The following GLRB variants were observed in gnomAD, a reference collection of about 807,000 sequenced individuals.
The protein encoded by GLRB is glycine receptor beta.
A neutral mutation model predicts 54.2 loss-of-function variants in GLRB; 33 were observed. The ratio of observed to expected loss-of-function variants is 0.61; its 90% CI spans 0.46 to 0.81. GLRB has a LOEUF of 0.81. GLRB is among the 40% of genes least tolerant of loss of function. The probability of loss-of-function intolerance (pLI) is 0.00; values close to 1 mark genes in which losing one functional copy is unlikely to be tolerated. For missense variants in GLRB, 572 were observed against 584.6 expected, an observed-to-expected ratio of 0.98 and a Z score of 0.22; for synonymous variants, 209 against 208.2, an observed-to-expected ratio of 1.00 and a Z score of -0.03.
chr4:157,139,332 T>A (rs1284485514), intron 7 of GLRB, among the ~76,000 whole-genome samples: 1 of 152,066 alleles, frequency 6.6e-6, no homozygotes, highest in Non-Finnish European at 1.5e-5. Flanking sequence ...ACCCATTGTC[T>A]TTTGGGTAGT....
At chr4:157,089,276 G>A (rs891467440) in intron 2 of GLRB, among the ~76,000 whole-genome samples, 1 of 152,028 alleles carries the variant, frequency 6.6e-6, no homozygotes, top group Non-Finnish European at 1.5e-5. Context: ...GGACACACCT[G>A]TAATCCCAGC....
intron 9 of GLRB, among the ~76,000 whole-genome samples, chr4:157,158,559 G>C (rs1051166145): frequency 2.0e-5 from 3 of 152,182 alleles, no homozygotes; most frequent in Non-Finnish European, 2.9e-5. Context: ...TGGCTAGCCA[G>C]TTTTCCCAGC....
chr4:157,089,707 C>T (rs1219203045), intron 2 of GLRB, among the ~76,000 whole-genome samples: 3 of 152,096 alleles, frequency 2.0e-5, no homozygotes. Flanking sequence ...ATCAATTTTC[C>T]CCTGGGTAAT....
chr4:157,076,186 C>T lies in GLRB; in HGVS notation c.-141C>T, dbSNP rs1379576084. ...CCGAGCTCGGCGGTGGCGCGGGCGG[C>T]TGGGACGCAGCTGCCCCCGCTCGGC... On this transcript the variant is annotated 5_prime_UTR_variant, in exon 1 of 10. Transcript: ENST00000264428. 1 of 149,952 alleles carries T rather than the reference C, an allele frequency of 6.7e-6. No homozygotes were observed. Among genetic ancestry groups the T allele is most frequent in the Non-Finnish European group, 1.5e-5 (1 of 67,348 alleles). The allele number at this position is 149,952 out of a possible 1,614,324, so 9.3% of individuals were successfully genotyped here.
chr4:157,129,637 T>C (rs1736140099), intron 4 of GLRB, among the ~76,000 whole-genome samples: 1 of 151,776 alleles, frequency 6.6e-6, no homozygotes, highest in Non-Finnish European at 1.5e-5. Context: ...ATAATCAGGA[T>C]GATACACTGA....
intron 9 of GLRB, among the ~76,000 whole-genome samples, chr4:157,160,326 G>T (rs2126619119): frequency 1.3e-5 from 2 of 151,816 alleles, no homozygotes; most frequent in Middle Eastern, 3.4e-3. Flanking sequence ...TTGTGCCTCT[G>T]TCTCCTTCAG....
At chr4:157,163,438 G>T (rs1737589929) in intron 9 of GLRB, among the ~76,000 whole-genome samples, 1 of 152,094 alleles carries the variant, frequency 6.6e-6, no homozygotes, top group Non-Finnish European at 1.5e-5. Context: ...TTCCTATTTG[G>T]CCATCTTGGA....
At chr4:157,095,068 T>C (rs891706532) in intron 2 of GLRB, among the ~76,000 whole-genome samples, 6 of 152,132 alleles carry the variant, frequency 3.9e-5, no homozygotes, top group African/African-American at 7.2e-5. Flanking sequence ...CTGATCTACA[T>C]TGAGTTGGCT....
rs184188234 is a variant in GLRB, at chr4:157,077,999, G to T, written c.-26G>T. On this transcript the variant is annotated 5_prime_UTR_variant, in exon 2 of 10. Transcript: ENST00000264428. ...ATTTTCTTGTTCTCTCTTGTAGATC[G>T]ATCTTCTGAAATTCAAGTTTTCAAG... 2,756 of 1,586,626 alleles carry T rather than the reference G, an allele frequency of 1.7e-3. 79 individuals carry two copies. The Admixed American group carries it at 0.044, about 25-fold the overall frequency.
intron 2 of GLRB, among the ~76,000 whole-genome samples, chr4:157,104,660 A>T (rs1735155182): frequency 6.6e-6 from 1 of 151,896 alleles, no homozygotes. Context: ...ATTTGATTGA[A>T]TTTGCCAGTG....
At chr4:157,143,350 A>G (rs1034484393) in intron 7 of GLRB, among the ~76,000 whole-genome samples, 4 of 151,898 alleles carry the variant, frequency 2.6e-5, no homozygotes, top group Non-Finnish European at 5.9e-5. Context: ...TCCATCCTAG[A>G]TAAGAAGTGG....
In GLRB at chr4:157,136,816, T is replaced by G. The variant is rs770664655; in HGVS notation, c.540T>G (p.Thr180=). The change falls in exon 6 of 10, where the codon ACT becomes ACG. Residue 180 remains threonine, a synonymous_variant. Transcript: ENST00000264428. ...DVLVSMRLSI[T]LSCPLDLTLF... The stretch of plus-strand genomic sequence containing the variant: ...TTTCTGCTTCCAGGTTATCTATTAC[T>G]CTTTCATGCCCTTTGGACTTGACAT... The G allele has an allele frequency of 1.2e-6, 2 of 1,608,256 alleles. No individual in the cohort carries two copies. Among genetic ancestry groups the G allele is most frequent in the Admixed American group, 1.7e-5 (1 of 59,980 alleles).
intron 2 of GLRB, among the ~76,000 whole-genome samples, chr4:157,090,382 G>A (rs1397903965): frequency 6.6e-6 from 1 of 152,172 alleles, no homozygotes; most frequent in Non-Finnish European, 1.5e-5. Flanking sequence ...TCAGTTTAAT[G>A]GCTGGTTTAA....
chr4:157,148,125 A>G (rs1242172447), intron 8 of GLRB, among the ~76,000 whole-genome samples: 1 of 152,142 alleles, frequency 6.6e-6, no homozygotes, highest in Non-Finnish European at 1.5e-5. Context: ...AATTATACCA[A>G]TTGATTTCTA....
intron 8 of GLRB, among the ~76,000 whole-genome samples, chr4:157,150,672 A>G (rs566700127): frequency 9.3e-4 from 141 of 151,892 alleles, no homozygotes; most frequent in African/African-American, 3.1e-3. Flanking sequence ...CTAATCTTTC[A>G]ATGTTTTCCT....
rs1271989511 is a variant in GLRB at position 157,076,423 on chromosome 4, G to C, written c.-30+126G>C. On this transcript the variant is annotated intron_variant, in intron 1 of 9. Coordinates refer to ENST00000264428, the MANE Select transcript of GLRB (RefSeq NM_000824.5). ...AGCCCGGGGCGGCGGAGCGCGAGGA[G>C]CACTGCGGCGTGCCCGGGAGGACGC... 4 of 151,690 alleles carry C rather than the reference G, an allele frequency of 2.6e-5. No homozygotes were observed. In the East Asian group the frequency reaches 7.8e-4, roughly 30 times the overall value. 9.4% of individuals were successfully genotyped at this position (151,690 alleles called of 1,614,324 possible).
At chr4:157,093,595 A>G (rs1345274529) in intron 2 of GLRB, among the ~76,000 whole-genome samples, 1 of 152,046 alleles carries the variant, frequency 6.6e-6, no homozygotes, top group African/African-American at 2.4e-5. Flanking sequence ...TCTCTACTAA[A>G]AATACAAAAA....
intron 2 of GLRB, among the ~76,000 whole-genome samples, chr4:157,095,811 G>T (rs549636506): frequency 1.6e-4 from 24 of 152,250 alleles, no homozygotes; most frequent in Middle Eastern, 3.4e-3. Flanking sequence ...ATCAGAGAGG[G>T]CTGCCTTGGA....
intron 3 of GLRB, among the ~76,000 whole-genome samples, 164 bp from the exon 4 acceptor site, chr4:157,122,166 A>G (rs1228763437): frequency 2.0e-5 from 3 of 151,300 alleles, no homozygotes; most frequent in African/African-American, 7.3e-5. Flanking sequence ...TTAGAAAAAC[A>G]AGTTAATAGC....
Sources: allele counts gnomAD v4.1 joint callset (sites outside exome capture counted in the v4.1 genomes callset), GRCh38; gene constraint gnomAD v4.1.1; transcripts MANE v1.5; gene names NCBI Gene and HGNC (gene_info 2026-07-23, HGNC 2026-07-21).